Variants in TOMM20L observed in about 807,000 individuals in gnomAD.
TOMM20L encodes the protein TOMM20-like protein 1.
In TOMM20L, 19 loss-of-function variants were observed where a neutral mutation model predicts 20.4. The observed-to-expected ratio is 0.93, with a 90% CI of 0.65 to 1.36. The LOEUF (loss-of-function observed/expected upper bound fraction) is 1.36. TOMM20L is among the 40% of genes most tolerant of loss of function. The probability of loss-of-function intolerance (pLI) is 0.00; values close to 1 mark genes in which losing one functional copy is unlikely to be tolerated. For missense variants in TOMM20L, 218 were observed against 203.7 expected (o/e 1.07, Z -0.43); for synonymous variants, 75 against 79.6 (o/e 0.94, Z 0.30).
At chr14:58,410,774 G>A, downstream of TOMM20L, 1 of 1,072,322 alleles carries the variant, frequency 9.3e-7, no homozygotes, top group East Asian at 2.4e-5. Flanking sequence ...CAAGTGAAAT[G>A]CTTAAGGGGA....
rs1253353827 is a variant in TOMM20L at position 58,408,577 on chromosome 14, G to C, written c.454G>C (p.Asp152His). Residue 152 changes from aspartate (D) to histidine (H), a missense_variant, in exon 5 of 5, where the codon GAT (aspartate) becomes CAT (histidine). Asp to His is a moderately conservative substitution (Grantham distance 81). Coordinates refer to ENST00000360945, the MANE Select transcript of TOMM20L (RefSeq NM_207377.3). ...NEQDCLEDDP[D>H] ...ACAGGACTGCTTGGAGGATGATCCTGATTGAAAAACATTTCAACGTATCCA... is the reference window on the plus strand; with the variant it reads ...ACAGGACTGCTTGGAGGATGATCCTCATTGAAAAACATTTCAACGTATCCA... 1.2e-6 allele frequency: 2 copies of C among 1,613,892 alleles called. No homozygotes were observed. The highest frequency in any genetic ancestry group is 1.1e-5 in the South Asian group (1 of 91,034).
intron 2 of TOMM20L, among the ~76,000 whole-genome samples, chr14:58,396,940 A>C (rs1163598366): frequency 6.6e-6 from 1 of 152,234 alleles, no homozygotes; most frequent in Non-Finnish European, 1.5e-5. Context: ...CTAAAAATAC[A>C]AAAATTAGCC....
chr14:58,406,741 T>A (rs1450938864), intron 3 of TOMM20L, among the ~76,000 whole-genome samples: 2 of 152,228 alleles, frequency 1.3e-5, no homozygotes, highest in Non-Finnish European at 2.9e-5. Flanking sequence ...TAATTTTCAC[T>A]CTTCACATAT....
intron 2 of TOMM20L, among the ~76,000 whole-genome samples, chr14:58,400,106 C>T (rs1048915739): frequency 2.0e-5 from 3 of 151,608 alleles, no homozygotes; most frequent in Non-Finnish European, 2.9e-5. Context: ...CCCTACTCTG[C>T]AGATTAAAGA....
chr14:58,415,059 C>T, the TOMM20L span, among the ~76,000 whole-genome samples: 1 of 152,180 alleles, frequency 6.6e-6, no homozygotes. Flanking sequence ...TAGTCCTTCC[C>T]AGCCAGGGAG....
In TOMM20L at chr14:58,395,977, T is replaced by G. The variant is rs1225387239; in HGVS notation, c.20T>G (p.Leu7Arg). MPSVRS[L>R]LRLLAAAAAC... ...GGTCGGATGCCCTCCGTCCGCTCCC[T>G]CCTCCGCCTCTTGGCCGCCGCGGCG... is the stretch of plus-strand genomic sequence containing the variant. The change falls in exon 1 of 5, where the codon CTC becomes CGC. Residue 7 changes from leucine to arginine, a missense_variant. By Grantham distance (102) the Leu-to-Arg change is moderately radical. Transcript: ENST00000360945. 1 of 1,449,774 alleles carries G rather than the reference T, an allele frequency of 6.9e-7. No individual in the cohort carries two copies. The highest frequency in any genetic ancestry group is 1.5e-5 in the African/African-American group (1 of 68,322). The allele number at this position is 1,449,774 out of a possible 1,614,324, so 89.8% of individuals were successfully genotyped here.
intron 3 of TOMM20L, among the ~76,000 whole-genome samples, chr14:58,404,389 A>G (rs905182454): frequency 4.6e-5 from 7 of 150,948 alleles, no homozygotes; most frequent in Admixed American, 4.0e-4. Flanking sequence ...TCGGCCTCCC[A>G]AAGTGCTGGG....
chr14:58,412,225 C>T, downstream of TOMM20L: 2 of 334,332 alleles, frequency 6.0e-6, no homozygotes, highest in Non-Finnish European at 1.1e-5. Context: ...TCACTGCAAC[C>T]TCTGCCTCCG....
chr14:58,410,611 G>A (rs183434928), downstream of TOMM20L, among the ~76,000 whole-genome samples: 91 of 152,324 alleles, frequency 6.0e-4, no homozygotes, highest in Admixed American at 9.8e-4. Context: ...CTCAGCAGCT[G>A]CAGGCATCTT....
intron 4 of TOMM20L, among the ~76,000 whole-genome samples, chr14:58,407,920 G>C (rs2036087042): frequency 6.6e-6 from 1 of 152,124 alleles, no homozygotes; most frequent in Non-Finnish European, 1.5e-5. Context: ...GCAAATGCTT[G>C]GATTCATTTC....
rs534105691 is a variant in TOMM20L, at chr14:58,406,134, C to T, written c.263-1192C>T. ...AAATACAGTTCTGTAGCCATCTCAACGGTGGCTATATCTATATGAGACCAT... is the reference window on the plus strand; with the variant it reads ...AAATACAGTTCTGTAGCCATCTCAATGGTGGCTATATCTATATGAGACCAT... On this transcript the variant is annotated intron_variant, in intron 3 of 4. Transcript: ENST00000360945. Among the ~76,000 whole-genome samples, 26 of 152,266 alleles carry T rather than the reference C, an allele frequency of 1.7e-4. 1 individual carries two copies. The South Asian group carries it at 2.7e-3, about 16-fold the overall frequency.
downstream of TOMM20L, chr14:58,410,812 G>T: frequency 6.7e-7 from 1 of 1,496,692 alleles, no homozygotes; most frequent in Non-Finnish European, 9.2e-7. Context: ...ATGAAGGCTT[G>T]TAGAATTTTA....
chr14:58,396,443 T>A, intron 2 of TOMM20L, 102 bp downstream of exon 2: 2 of 1,324,126 alleles, frequency 1.5e-6, no homozygotes, highest in Non-Finnish European at 2.1e-6. Context: ...GTTAGTTCCC[T>A]CAGCCGCCCG....
intron 2 of TOMM20L, among the ~76,000 whole-genome samples, chr14:58,399,381 G>C (rs1334112512): frequency 6.6e-6 from 1 of 152,068 alleles, no homozygotes; most frequent in Non-Finnish European, 1.5e-5. Context: ...GTAGCCTGGG[G>C]AATTCTTACT....
downstream of TOMM20L, chr14:58,411,969 C>T (rs200781695): frequency 6.8e-6 from 11 of 1,610,712 alleles, no homozygotes; most frequent in South Asian, 3.3e-5. Context: ...CTTTATTAGT[C>T]ACCTAATTTA....
intron 2 of TOMM20L, among the ~76,000 whole-genome samples, chr14:58,400,759 T>A (rs894496857): frequency 1.3e-5 from 2 of 151,768 alleles, no homozygotes; most frequent in Non-Finnish European, 2.9e-5. Flanking sequence ...GCACCTGTAA[T>A]CCCAGCTACT....
rs1239438177 is a variant in TOMM20L at position 58,408,599 on chromosome 14, T to C, written c.*17T>C. On this transcript the variant is annotated 3_prime_UTR_variant, in exon 5 of 5. Transcript: ENST00000360945. ...CCTGATTGAAAAACATTTCAACGTA[T>C]CCACAGTCCAGTGAGAATACTATGG... 1 of 1,611,586 alleles carries C rather than the reference T, an allele frequency of 6.2e-7. No individual in the cohort carries two copies.
chr14:58,404,099 G>GTGTGTATGTATATATATATATATATATA (rs1408980666), intron 3 of TOMM20L, among the ~76,000 whole-genome samples: 1 of 22,928 alleles, frequency 4.4e-5, no homozygotes, highest in African/African-American at 1.3e-4. Context: ...ACATATATAT[G>GTGTGTATGTATATATATATATATATATA]TATATATATA....
the TOMM20L span, among the ~76,000 whole-genome samples, chr14:58,414,716 C>T: frequency 2.9e-4 from 39 of 134,042 alleles, 1 homozygote; most frequent in African/African-American, 7.7e-4. Context: ...CAGCCTGCAC[C>T]GCATAGTGAG....
Sources: gnomAD v4.1 joint callset for allele counts (sites outside exome capture counted in the v4.1 genomes callset) on GRCh38, gnomAD v4.1.1 for gene constraint, MANE v1.5 for transcripts, NCBI Gene and HGNC (gene_info 2026-07-23, HGNC 2026-07-21) for gene names.